Variants in COL5A2 observed in about 807,000 individuals in gnomAD.
COL5A2 encodes the protein collagen alpha-2(V) chain.
In COL5A2, 23 loss-of-function variants were observed where a neutral mutation model predicts 208.2. The ratio of observed to expected loss-of-function variants is 0.11; its 90% CI spans 0.08 to 0.16. The LOEUF (loss-of-function observed/expected upper bound fraction) is 0.16. COL5A2 is among the 10% of genes least tolerant of loss of function. The pLI is 1.00. For missense variants in COL5A2, 1,590 were observed against 1,956.4 expected (o/e 0.81, Z 3.53); for synonymous variants, 625 against 628.5 (o/e 0.99, Z 0.08).
intron 1 of COL5A2, among the ~76,000 whole-genome samples, chr2:189,186,823 T>C (rs907719216): frequency 4.6e-5 from 7 of 152,254 alleles, no homozygotes; most frequent in African/African-American, 1.7e-4. Flanking sequence ...ATTTTATAAA[T>C]ATGTTACCTC....
chr2:189,315,537 C>T, the COL5A2 span, among the ~76,000 whole-genome samples: 1 of 152,048 alleles, frequency 6.6e-6, no homozygotes, highest in Non-Finnish European at 1.5e-5. Flanking sequence ...CAAAGGTGCC[C>T]TCTCACCACT....
At chr2:189,185,426 A>G (rs1688838751) in intron 1 of COL5A2, among the ~76,000 whole-genome samples, 1 of 152,248 alleles carries the variant, frequency 6.6e-6, no homozygotes, top group South Asian at 2.1e-4. Context: ...TCTTACTACA[A>G]ATGAGAAATA....
chr2:189,254,613 T>C, the COL5A2 span, among the ~76,000 whole-genome samples: 1 of 152,194 alleles, frequency 6.6e-6, no homozygotes. Flanking sequence ...GCTGTGCCCC[T>C]GCCTGGGCCC....
At chr2:189,145,257 T>G (rs1470058870) in intron 1 of COL5A2, among the ~76,000 whole-genome samples, 1 of 151,996 alleles carries the variant, frequency 6.6e-6, no homozygotes, top group Admixed American at 6.6e-5. Context: ...CTTAAATGAG[T>G]AAAGTAATGT....
the COL5A2 span, among the ~76,000 whole-genome samples, chr2:189,273,856 G>C: frequency 1.4e-3 from 216 of 152,216 alleles, no homozygotes; most frequent in East Asian, 1.7e-3. Context: ...GGAGCCAGGG[G>C]AATTGGGAAG....
the COL5A2 span, among the ~76,000 whole-genome samples, chr2:189,277,766 T>C: frequency 3.9e-5 from 6 of 152,138 alleles, no homozygotes; most frequent in African/African-American, 1.4e-4. Context: ...TCTAAAAGAA[T>C]AGCCAATTGT....
At chr2:189,146,160 AT>A (rs1366075250) in intron 1 of COL5A2, among the ~76,000 whole-genome samples, 1 of 152,166 alleles carries the variant, frequency 6.6e-6, no homozygotes, top group East Asian at 1.9e-4. Flanking sequence ...AAATTTTACC[AT>A]TTAGTAAGAA....
chr2:189,060,179 A>G (rs1685997045), intron 31 of COL5A2, among the ~76,000 whole-genome samples: 1 of 152,096 alleles, frequency 6.6e-6, no homozygotes, highest in African/African-American at 2.4e-5. Flanking sequence ...TTTTGTTTCC[A>G]TAAACATAGT....
Position 189,064,676 on chromosome 2 carries a change from T to C in COL5A2, c.1618-21A>G, listed in dbSNP as rs200384423. 82 of 1,510,344 alleles carry C rather than the reference T, an allele frequency of 5.4e-5. No homozygotes were observed. In the African/African-American group the frequency reaches 9.7e-4, roughly 18 times the overall value. The allele number at this position is 1,510,344 out of a possible 1,614,324, so 93.6% of individuals were successfully genotyped here. ...GCACCCTGTACCGAGGCAAAGCAGA[T>C]GCATGAAGAAAAAGAGTATAGAAAA... On this transcript the variant is annotated intron_variant, in intron 24 of 53. Transcript: ENST00000374866.
chr2:189,049,707 T>C (rs187041205), intron 43 of COL5A2, among the ~76,000 whole-genome samples: 2 of 152,352 alleles, frequency 1.3e-5, no homozygotes, highest in African/African-American at 4.8e-5. Context: ...TTTTGGGTTC[T>C]AATCATGTGT....
the COL5A2 span, among the ~76,000 whole-genome samples, chr2:189,293,581 C>T: frequency 1.3e-5 from 2 of 152,256 alleles, no homozygotes; most frequent in South Asian, 2.1e-4. Context: ...GGAATTAAGT[C>T]GTGAAGGCGA....
chr2:189,060,840 A>T (rs13416565), intron 30 of COL5A2, 57 bp from the exon 31 acceptor site: 64 of 1,256,376 alleles, frequency 5.1e-5, no homozygotes, highest in Middle Eastern at 1.9e-4. Context: ...ACAGGCTACC[A>T]GTGTTAACAG....
At chr2:189,129,797 T>A (rs1687676279) in intron 1 of COL5A2, among the ~76,000 whole-genome samples, 1 of 152,032 alleles carries the variant, frequency 6.6e-6, no homozygotes, top group Non-Finnish European at 1.5e-5. Flanking sequence ...TTAAAGACTG[T>A]GTGGTGGGAG....
the COL5A2 span, among the ~76,000 whole-genome samples, chr2:189,251,427 CA>C: frequency 1.3e-5 from 2 of 152,100 alleles, no homozygotes; most frequent in Non-Finnish European, 2.9e-5. Context: ...ACTAAACAGA[CA>C]GAATCTTTCT....
chr2:189,265,477 C>A, the COL5A2 span, among the ~76,000 whole-genome samples: 1 of 152,162 alleles, frequency 6.6e-6, no homozygotes, highest in East Asian at 1.9e-4. Context: ...GTTCTGTATT[C>A]AAATTTTTCT....
the COL5A2 span, among the ~76,000 whole-genome samples, chr2:189,242,193 T>C: frequency 6.6e-6 from 1 of 152,236 alleles, no homozygotes; most frequent in African/African-American, 2.4e-5. Context: ...TTGATACCTT[T>C]GTGCTTTCTG....
At chr2:189,425,488 T>C in the COL5A2 span, among the ~76,000 whole-genome samples, 1 of 152,200 alleles carries the variant, frequency 6.6e-6, no homozygotes. Flanking sequence ...AAGTGGTATA[T>C]ATACACAATG....
intron 2 of COL5A2, among the ~76,000 whole-genome samples, chr2:189,107,275 C>T (rs972978605): frequency 5.9e-5 from 9 of 151,622 alleles, no homozygotes; most frequent in Non-Finnish European, 8.9e-5. Context: ...CTAAGATTTT[C>T]TGTTTCTACC....
the COL5A2 span, among the ~76,000 whole-genome samples, chr2:189,279,443 C>A: frequency 6.8e-6 from 1 of 146,214 alleles, no homozygotes; most frequent in Middle Eastern, 3.6e-3. Flanking sequence ...GTGGTATATA[C>A]AAAAGTTGCA....
Sources: gnomAD v4.1 joint callset for allele counts (sites outside exome capture counted in the v4.1 genomes callset) on GRCh38, gnomAD v4.1.1 for gene constraint, MANE v1.5 for transcripts, NCBI Gene and HGNC (gene_info 2026-07-23, HGNC 2026-07-21) for gene names.